Variants in PTPRD observed in about 807,000 individuals in gnomAD.
The protein encoded by PTPRD is receptor-type tyrosine-protein phosphatase delta.
A neutral mutation model predicts 214.5 loss-of-function variants in PTPRD; 34 were observed. The ratio of observed to expected loss-of-function variants is 0.16; its 90% CI spans 0.12 to 0.21. The LOEUF (loss-of-function observed/expected upper bound fraction) is 0.21, where lower values mean the gene tolerates loss of function less well. Ranked by LOEUF, PTPRD falls within the 10% of genes least tolerant of loss-of-function variation. PTPRD has a pLI of 1.00. For missense variants in PTPRD, 2,545 were observed against 2,398.7 expected (o/e 1.06, Z -1.27); for synonymous variants, 1,128 against 845.7 (o/e 1.33, Z -5.79).
chr9:10,144,715 G>GAATC (rs2099010529), intron 3 of PTPRD, among the ~76,000 whole-genome samples: 1 of 152,044 alleles, frequency 6.6e-6, no homozygotes, highest in South Asian at 2.1e-4. Flanking sequence ...AGATATTAAT[G>GAATC]AATCAGCTAA....
Position 8,315,903 on chromosome 9 carries a change from T to TATAG in PTPRD, c.*1967_*1970dup. ...ACTTATGCCATCATCCATGGCTTCCTATAGAAATTCTGTTGGAAGAATTGG... is the reference window on the plus strand; with the variant it reads ...ACTTATGCCATCATCCATGGCTTCCTATAGATAGAAATTCTGTTGGAAGAATTGG... On this transcript the variant is annotated 3_prime_UTR_variant, in exon 46 of 46. Transcript: ENST00000381196. The TATAG allele has an allele frequency of 4.4e-6, 1 of 225,226 alleles. No individual in the cohort carries two copies. The highest frequency in any genetic ancestry group is 8.8e-6 in the Non-Finnish European group (1 of 113,344). The allele number at this position is 225,226 out of a possible 1,614,324, so 14.0% of individuals were successfully genotyped here.
At chr9:9,746,321 C>G (rs955788004) in intron 6 of PTPRD, among the ~76,000 whole-genome samples, 1 of 152,072 alleles carries the variant, frequency 6.6e-6, no homozygotes, top group Non-Finnish European at 1.5e-5. Flanking sequence ...TGGAAAGTTA[C>G]TTGTGCCCAA....
At chr9:9,880,662 G>C (rs1224543008) in intron 5 of PTPRD, among the ~76,000 whole-genome samples, 1 of 152,100 alleles carries the variant, frequency 6.6e-6, no homozygotes. Flanking sequence ...GTGATAAGCA[G>C]TGTTTTATAC....
intron 37 of PTPRD, among the ~76,000 whole-genome samples, chr9:8,388,871 T>C (rs1343433030): frequency 6.6e-6 from 1 of 152,198 alleles, no homozygotes; most frequent in Non-Finnish European, 1.5e-5. Flanking sequence ...GAAGTACATA[T>C]TGGTGGGATT....
At chr9:9,595,490 A>G (rs1205072608) in intron 7 of PTPRD, among the ~76,000 whole-genome samples, 1 of 150,816 alleles carries the variant, frequency 6.6e-6, no homozygotes, top group African/African-American at 2.4e-5. Flanking sequence ...ACATGTATGC[A>G]TATGTACACA....
At chr9:10,115,708 C>T (rs1212101165) in intron 3 of PTPRD, among the ~76,000 whole-genome samples, 1 of 151,898 alleles carries the variant, frequency 6.6e-6, no homozygotes, top group Non-Finnish European at 1.5e-5. Flanking sequence ...GCTGTATTTC[C>T]TTTTGTAAAC....
intron 2 of PTPRD, among the ~76,000 whole-genome samples, chr9:10,530,633 G>C (rs551744214): frequency 6.6e-6 from 1 of 152,190 alleles, no homozygotes; most frequent in Admixed American, 6.5e-5. Flanking sequence ...CTCAGGAAAT[G>C]ATGGGACTAT....
intron 8 of PTPRD, among the ~76,000 whole-genome samples, chr9:9,511,656 T>C (rs1381921901): frequency 1.3e-5 from 2 of 151,784 alleles, no homozygotes; most frequent in Non-Finnish European, 2.9e-5. Context: ...TGAGTTCTCA[T>C]AAAAATATGG....
intron 3 of PTPRD, among the ~76,000 whole-genome samples, chr9:10,120,006 C>G (rs969617080): frequency 2.0e-5 from 3 of 151,950 alleles, no homozygotes; most frequent in African/African-American, 7.2e-5. Flanking sequence ...TTGGAAATCT[C>G]AGGATAGTGA....
Position 9,204,393 on chromosome 9 carries a change from T to C in PTPRD, c.-202-21030A>G, listed in dbSNP as rs796960411. Among the ~76,000 whole-genome samples, 60 of 152,316 alleles carry C rather than the reference T, an allele frequency of 3.9e-4. 1 individual carries two copies. Among genetic ancestry groups the C allele is most frequent in the African/African-American group, 1.4e-3 (60 of 41,582 alleles). On this transcript the variant is annotated intron_variant, in intron 9 of 45. Coordinates refer to ENST00000381196, the MANE Select transcript of PTPRD (RefSeq NM_002839.4). The stretch of plus-strand genomic sequence containing the variant: ...AAAATCAAGTTCATAAATTAATGGA[T>C]GATGTTAATCTACTATTAAGGAGAC...
At chr9:9,264,584 A>C (rs1391877446) in intron 9 of PTPRD, among the ~76,000 whole-genome samples, 1 of 151,534 alleles carries the variant, frequency 6.6e-6, no homozygotes, top group African/African-American at 2.4e-5. Context: ...TCCAAAAAGG[A>C]GAAGAGAGAG....
chr9:10,214,682 A>C (rs1227138608), intron 3 of PTPRD, among the ~76,000 whole-genome samples: 4 of 152,102 alleles, frequency 2.6e-5, no homozygotes, highest in Non-Finnish European at 5.9e-5. Context: ...GCCTCTATGC[A>C]ATCCTTCAGT....
chr9:9,428,163 G>A (rs568720400), intron 8 of PTPRD, among the ~76,000 whole-genome samples: 4 of 152,190 alleles, frequency 2.6e-5, no homozygotes, highest in African/African-American at 9.6e-5. Context: ...ATACTCAGGA[G>A]ATCCATCTCA....
At chr9:8,918,129 C>T (rs1183712770) in intron 11 of PTPRD, among the ~76,000 whole-genome samples, 1 of 152,184 alleles carries the variant, frequency 6.6e-6, no homozygotes, top group East Asian at 1.9e-4. Flanking sequence ...AGCAGCCAGA[C>T]AGCCCTATGC....
intron 11 of PTPRD, among the ~76,000 whole-genome samples, chr9:8,886,547 G>A (rs1461636586): frequency 6.6e-6 from 1 of 151,996 alleles, no homozygotes; most frequent in East Asian, 1.9e-4. Context: ...GGAAGAATGG[G>A]GACATTTACT....
intron 3 of PTPRD, among the ~76,000 whole-genome samples, chr9:10,133,658 T>C: frequency 6.6e-6 from 1 of 152,112 alleles, no homozygotes; most frequent in East Asian, 1.9e-4. Flanking sequence ...GTAAATAATA[T>C]GTAAAGTAGA....
At chr9:9,866,861 T>C (rs1473320191) in intron 5 of PTPRD, among the ~76,000 whole-genome samples, 1 of 152,134 alleles carries the variant, frequency 6.6e-6, no homozygotes, top group Admixed American at 6.6e-5. Context: ...AACTGGAAAA[T>C]AGTGTTTCAA....
chr9:8,521,154 A>C (rs1400196845), intron 20 of PTPRD, 123 bp downstream of exon 20: 5 of 1,161,600 alleles, frequency 4.3e-6, no homozygotes, highest in Non-Finnish European at 6.0e-6. Flanking sequence ...TGATTAGGTT[A>C]TACACACATT....
intron 12 of PTPRD, among the ~76,000 whole-genome samples, chr9:8,663,300 T>G (rs1325136060): frequency 6.6e-6 from 1 of 151,126 alleles, no homozygotes; most frequent in Non-Finnish European, 1.5e-5. Context: ...TTTTTTTAAT[T>G]CTGGGTCCAC....
Sources: gnomAD v4.1 joint callset for allele counts (sites outside exome capture counted in the v4.1 genomes callset) on GRCh38, gnomAD v4.1.1 for gene constraint, MANE v1.5 for transcripts, NCBI Gene and HGNC (gene_info 2026-07-23, HGNC 2026-07-21) for gene names.